The following HPSE2 variants were observed in gnomAD, a reference collection of about 807,000 sequenced individuals.
HPSE2 encodes inactive heparanase-2.
In HPSE2, 38 loss-of-function variants were observed where a neutral mutation model predicts 60.5. The observed-to-expected ratio is 0.63, with a 90% CI of 0.48 to 0.82. The LOEUF (loss-of-function observed/expected upper bound fraction) is 0.82, where lower values mean the gene tolerates loss of function less well. Among genes scored for constraint, HPSE2 ranks in the 40% least tolerant of loss-of-function variants. The pLI, the probability that HPSE2 is intolerant of heterozygous loss-of-function variation, is 0.00. For missense variants in HPSE2, 713 were observed against 740.4 expected (o/e 0.96, Z 0.43); for synonymous variants, 295 against 293.2 (o/e 1.01, Z -0.06).
intron 9 of HPSE2, among the ~76,000 whole-genome samples, chr10:98,561,717 G>A (rs941520910): frequency 6.6e-6 from 1 of 152,048 alleles, no homozygotes; most frequent in Non-Finnish European, 1.5e-5. Flanking sequence ...GTGTGGTGGC[G>A]GGCGCCTGCA....
At chr10:98,813,651 A>C (rs1951218291) in intron 3 of HPSE2, among the ~76,000 whole-genome samples, 2 of 152,206 alleles carry the variant, frequency 1.3e-5, no homozygotes, top group Non-Finnish European at 2.9e-5. Context: ...ATGGGTTCCA[A>C]ATTACTATTT....
At chr10:98,699,156 C>T (rs1948327971) in intron 5 of HPSE2, among the ~76,000 whole-genome samples, 4 of 151,962 alleles carry the variant, frequency 2.6e-5, no homozygotes, top group Admixed American at 2.0e-4. Context: ...CCAGCATCAT[C>T]CTGATACCAA....
intron 9 of HPSE2, among the ~76,000 whole-genome samples, chr10:98,503,532 A>G (rs1198520726): frequency 2.6e-5 from 4 of 152,218 alleles, no homozygotes; most frequent in Non-Finnish European, 4.4e-5. Context: ...CCAGAGGAAA[A>G]TAAGTCATTA....
At chr10:98,953,685 G>C (rs563498996) in intron 3 of HPSE2, among the ~76,000 whole-genome samples, 1 of 152,160 alleles carries the variant, frequency 6.6e-6, no homozygotes, top group Non-Finnish European at 1.5e-5. Context: ...CAACTAGAGA[G>C]TGAAAAAAAC....
At chr10:98,849,610 C>T (rs1952119053) in intron 3 of HPSE2, among the ~76,000 whole-genome samples, 1 of 152,104 alleles carries the variant, frequency 6.6e-6, no homozygotes, top group Non-Finnish European at 1.5e-5. Context: ...ACGGCCATAA[C>T]CTCTCCTAAA....
rs1039121270 is a variant in HPSE2, at chr10:99,005,335, A to C, written c.610+138903T>G. ...CCCATAAATTCTGTAAGTTTTCTTC[A>C]CTCCTTTTCTTTTTAATTTTTATCA... On this transcript the variant is annotated intron_variant, in intron 3 of 11. Coordinates refer to ENST00000370552, the MANE Select transcript of HPSE2 (RefSeq NM_021828.5). 2.7e-4 allele frequency among the ~76,000 whole-genome samples: 41 copies of C among 151,146 alleles called. 1 individual carries two copies. Among genetic ancestry groups the C allele is most frequent in the African/African-American group, 1.0e-3 (41 of 41,070 alleles).
intron 6 of HPSE2, among the ~76,000 whole-genome samples, chr10:98,689,708 G>A (rs1458344366): frequency 1.3e-5 from 2 of 152,158 alleles, no homozygotes; most frequent in African/African-American, 4.8e-5. Flanking sequence ...TACAGAGATA[G>A]AAGAATGCTG....
intron 5 of HPSE2, among the ~76,000 whole-genome samples, chr10:98,712,362 C>T (rs982235149): frequency 4.0e-5 from 6 of 151,686 alleles, no homozygotes; most frequent in African/African-American, 1.5e-4. Flanking sequence ...TTTAATATGT[C>T]TTTAAGGAAG....
chr10:98,668,541 A>G (rs772774815), intron 6 of HPSE2, among the ~76,000 whole-genome samples: 15 of 152,318 alleles, frequency 9.8e-5, no homozygotes, highest in Non-Finnish European at 2.9e-5. Context: ...ACAGCATGGT[A>G]TGGGTACAAA....
intron 9 of HPSE2, among the ~76,000 whole-genome samples, chr10:98,518,700 C>G (rs1942684004): frequency 8.2e-6 from 1 of 121,542 alleles, no homozygotes; most frequent in African/African-American, 2.6e-5. Context: ...GAGTGAGACT[C>G]CATCCCACGA....
At chr10:98,665,195 C>T (rs1393096402) in intron 6 of HPSE2, among the ~76,000 whole-genome samples, 1 of 152,140 alleles carries the variant, frequency 6.6e-6, no homozygotes, top group Non-Finnish European at 1.5e-5. Flanking sequence ...AGGAAACTCT[C>T]AGTTTGAAGA....
chr10:99,165,058 G>C lies in HPSE2; in HGVS notation c.449-20659C>G, dbSNP rs1282060778. Among the ~76,000 whole-genome samples, 5 of 138,950 alleles carry C rather than the reference G, an allele frequency of 3.6e-5. No homozygotes were observed. In the Admixed American group the frequency reaches 3.9e-4, roughly 11 times the overall value. The allele number at this position is 138,950 out of a possible 152,430, so 91.2% of individuals were successfully genotyped here. On this transcript the variant is annotated intron_variant, in intron 2 of 11. Coordinates refer to ENST00000370552, the MANE Select transcript of HPSE2 (RefSeq NM_021828.5). ...AGATCGCGCCACTACACTCCAGTCT[G>C]GCAACAGAGCAAGACTCGGTCTCAA...
chr10:98,776,902 G>A (rs181683406), intron 3 of HPSE2, among the ~76,000 whole-genome samples: 3 of 152,214 alleles, frequency 2.0e-5, no homozygotes, highest in East Asian at 3.9e-4. Context: ...GCATGCTAAG[G>A]GCTAAAATGT....
At chr10:98,916,950 GA>G (rs1954136028) in intron 3 of HPSE2, among the ~76,000 whole-genome samples, 1 of 152,102 alleles carries the variant, frequency 6.6e-6, no homozygotes, top group Non-Finnish European at 1.5e-5. Flanking sequence ...CTACTGGGAG[GA>G]AATGAGGCTG....
chr10:98,902,277 T>C (rs1953688334), intron 3 of HPSE2, among the ~76,000 whole-genome samples: 1 of 152,146 alleles, frequency 6.6e-6, no homozygotes, highest in Non-Finnish European at 1.5e-5. Context: ...AAGAAAGAAG[T>C]GAGAATTTAA....
At chr10:99,295,456 G>GA in the HPSE2 span, among the ~76,000 whole-genome samples, 4 of 151,950 alleles carry the variant, frequency 2.6e-5, no homozygotes, top group African/African-American at 7.2e-5. Flanking sequence ...AATGTTAAGT[G>GA]AAAAAAAGCA....
chr10:98,792,925 A>T (rs1264108202), intron 3 of HPSE2, among the ~76,000 whole-genome samples: 3 of 152,112 alleles, frequency 2.0e-5, no homozygotes, highest in Non-Finnish European at 4.4e-5. Context: ...TAGGGCCTTT[A>T]TTAAACAAAT....
intron 3 of HPSE2, among the ~76,000 whole-genome samples, chr10:98,767,639 TTAA>T (rs1270903715): frequency 8.2e-5 from 12 of 146,378 alleles, no homozygotes; most frequent in African/African-American, 2.7e-4. Context: ...GTAATATTTA[TTAA>T]TATTTATTTT....
At chr10:98,763,641 GT>G (rs1484458844) in intron 3 of HPSE2, among the ~76,000 whole-genome samples, 1 of 151,806 alleles carries the variant, frequency 6.6e-6, no homozygotes, top group African/African-American at 2.4e-5. Context: ...AGAAAAGAGG[GT>G]TTTTTTCTTA....
Sources: gnomAD v4.1 joint callset for allele counts (sites outside exome capture counted in the v4.1 genomes callset) on GRCh38, gnomAD v4.1.1 for gene constraint, MANE v1.5 for transcripts, NCBI Gene and HGNC (gene_info 2026-07-23, HGNC 2026-07-21) for gene names.